Variants in FBXL20 observed in about 807,000 individuals in gnomAD.
FBXL20 encodes the protein F-box and leucine rich repeat protein 20.
In FBXL20, 11 loss-of-function variants were observed where a neutral mutation model predicts 64.0. The ratio of observed to expected loss-of-function variants is 0.17; its 90% CI spans 0.11 to 0.28. The LOEUF (loss-of-function observed/expected upper bound fraction) is 0.28, where lower values mean the gene tolerates loss of function less well. FBXL20 is among the 10% of genes least tolerant of loss of function. FBXL20 has a pLI of 1.00. For missense variants in FBXL20, 303 were observed against 526.2 expected, an observed-to-expected ratio of 0.58 and a Z score of 4.15; for synonymous variants, 184 against 189.0, an observed-to-expected ratio of 0.97 and a Z score of 0.22.
chr17:39,326,004 T>C (rs2047405655), intron 2 of FBXL20, among the ~76,000 whole-genome samples: 1 of 152,136 alleles, frequency 6.6e-6, no homozygotes, highest in Non-Finnish European at 1.5e-5. Flanking sequence ...ACTACCCCCT[T>C]AATCATAAGT....
At chr17:39,334,473 T>C (rs555594667) in intron 2 of FBXL20, among the ~76,000 whole-genome samples, 5 of 143,008 alleles carry the variant, frequency 3.5e-5, no homozygotes, top group African/African-American at 1.4e-4. Flanking sequence ...CAATAAATAC[T>C]AAAAAAATTA....
intron 2 of FBXL20, among the ~76,000 whole-genome samples, chr17:39,325,118 G>A (rs1000878188): frequency 6.6e-6 from 1 of 152,156 alleles, no homozygotes; most frequent in Non-Finnish European, 1.5e-5. Context: ...TGAGGTGAGA[G>A]GATCACCTGA....
In FBXL20 at chr17:39,299,073, C is replaced by T. The variant is rs772097525; in HGVS notation, c.246G>A (p.Val82=). 5 of 1,612,702 alleles carry T rather than the reference C, an allele frequency of 3.1e-6. No individual in the cohort carries two copies. The highest frequency in any genetic ancestry group is 4.2e-6 in the Non-Finnish European group (5 of 1,179,464). ...DFQRDIEGRV[V]ENISKRCGGF... The stretch of plus-strand genomic sequence containing the variant: ...CCCCACATCGTTTTGAAATATTCTC[C>T]ACTACTCGGCCCTGTAAAATGAGAC... The change falls in exon 5 of 15, where the codon GTG becomes GTA. Residue 82 remains valine (V), a synonymous_variant. Coordinates refer to ENST00000264658, the MANE Select transcript of FBXL20 (RefSeq NM_032875.3).
chr17:39,356,674 G>C (rs1161182228), intron 1 of FBXL20, among the ~76,000 whole-genome samples: 2 of 151,870 alleles, frequency 1.3e-5, no homozygotes, highest in Non-Finnish European at 2.9e-5. Flanking sequence ...TGTTTGTTTT[G>C]AGACAGGGTA....
At chr17:39,387,095 G>A (rs1488029435) in intron 1 of FBXL20, among the ~76,000 whole-genome samples, 1 of 152,058 alleles carries the variant, frequency 6.6e-6, no homozygotes, top group Non-Finnish European at 1.5e-5. Flanking sequence ...ATGAGTACAC[G>A]CACAACCATT....
intron 2 of FBXL20, among the ~76,000 whole-genome samples, chr17:39,327,326 C>T (rs1006677226): frequency 2.0e-5 from 3 of 152,072 alleles, no homozygotes; most frequent in African/African-American, 7.2e-5. Flanking sequence ...TAATAAGCTC[C>T]AATTAGATTT....
At chr17:39,345,433 G>C (rs570988022) in intron 1 of FBXL20, among the ~76,000 whole-genome samples, 1 of 152,290 alleles carries the variant, frequency 6.6e-6, no homozygotes, top group African/African-American at 2.4e-5. Context: ...CATACATGAA[G>C]ATCCTGGTAT....
At chr17:39,314,790 CTT>C (rs1022855806) in intron 2 of FBXL20, among the ~76,000 whole-genome samples, 4 of 134,220 alleles carry the variant, frequency 3.0e-5, no homozygotes, top group Non-Finnish European at 4.7e-5. Flanking sequence ...TCTCCATATC[CTT>C]TTCTTTTTTT....
At chr17:39,358,077 CCTAA>C (rs1296460624) in intron 1 of FBXL20, among the ~76,000 whole-genome samples, 6 of 152,230 alleles carry the variant, frequency 3.9e-5, no homozygotes, top group Non-Finnish European at 5.9e-5. Context: ...AGTCCAAAGG[CCTAA>C]CTAAGAACCA....
intron 1 of FBXL20, among the ~76,000 whole-genome samples, chr17:39,349,718 C>T (rs1027002966): frequency 2.6e-5 from 4 of 152,048 alleles, no homozygotes; most frequent in South Asian, 2.1e-4. Context: ...AGGCAGATCA[C>T]GAGGTCAGGA....
intron 1 of FBXL20, among the ~76,000 whole-genome samples, chr17:39,370,487 T>A (rs1449993871): frequency 7.4e-6 from 1 of 135,976 alleles, no homozygotes; most frequent in African/African-American, 2.7e-5. Flanking sequence ...TGAGACACCA[T>A]CTCAAAAAAA....
intron 12 of FBXL20, 37 bp from the exon 13 acceptor site, chr17:39,265,490 C>T: frequency 6.8e-7 from 1 of 1,480,182 alleles, no homozygotes; most frequent in East Asian, 2.3e-5. Context: ...TAGGTATAAT[C>T]CAAATAAAAT....
rs1373230552 is a variant in FBXL20 at position 39,383,345 on chromosome 17, G to A, written c.42+18016C>T. On this transcript the variant is annotated intron_variant, in intron 1 of 14. Coordinates refer to ENST00000264658, the MANE Select transcript of FBXL20 (RefSeq NM_032875.3). Reference sequence around the variant, plus strand: ...CATGGAGAAGAAAAACCTTGGTCGGGTATGATGGCTCATGCCTATAATCTT... The same window carrying A: ...CATGGAGAAGAAAAACCTTGGTCGGATATGATGGCTCATGCCTATAATCTT... 5.3e-5 allele frequency among the ~76,000 whole-genome samples: 8 copies of A among 152,068 alleles called. 1 individual carries two copies. Among genetic ancestry groups the A allele is most frequent in the African/African-American group, 1.9e-4 (8 of 41,432 alleles).
At chr17:39,346,431 C>T (rs754610219) in intron 1 of FBXL20, among the ~76,000 whole-genome samples, 2 of 151,930 alleles carry the variant, frequency 1.3e-5, no homozygotes, top group African/African-American at 4.8e-5. Flanking sequence ...TTTAGAAATG[C>T]GAAACACCAC....
chr17:39,387,798 G>T (rs1294727178), intron 1 of FBXL20, among the ~76,000 whole-genome samples: 5 of 151,848 alleles, frequency 3.3e-5, no homozygotes, highest in African/African-American at 1.2e-4. Flanking sequence ...AGCTGGTCTT[G>T]AACTCCTGGG....
intron 1 of FBXL20, among the ~76,000 whole-genome samples, chr17:39,349,868 G>A (rs1195956099): frequency 2.6e-5 from 4 of 151,214 alleles, no homozygotes; most frequent in African/African-American, 7.3e-5. Flanking sequence ...CCCGGGAGGC[G>A]GAGCTTGCAG....
rs1036928243 is a variant in FBXL20, at chr17:39,345,550, A to C, written c.43-2309T>G. ...TTTCATTTAAAGAATAATTTTAATAATTTTTTTTTTGAGAGAGTTTTGCTC... is the reference window on the plus strand; with the variant it reads ...TTTCATTTAAAGAATAATTTTAATACTTTTTTTTTTGAGAGAGTTTTGCTC... On this transcript the variant is annotated intron_variant, in intron 1 of 14. Coordinates refer to ENST00000264658, the MANE Select transcript of FBXL20 (RefSeq NM_032875.3). Among the ~76,000 whole-genome samples the C allele has an allele frequency of 9.3e-5, 14 of 150,410 alleles. No individual in the cohort carries two copies. In the Admixed American group the frequency reaches 9.3e-4, roughly 10 times the overall value.
intron 1 of FBXL20, among the ~76,000 whole-genome samples, chr17:39,368,506 C>G (rs914625433): frequency 6.6e-6 from 1 of 152,200 alleles, no homozygotes; most frequent in Non-Finnish European, 1.5e-5. Context: ...AGTCCTAAGT[C>G]TCTTTCCTAC....
chr17:39,274,922 G>C, intron 10 of FBXL20, 48 bp downstream of exon 10: 1 of 1,608,630 alleles, frequency 6.2e-7, no homozygotes, highest in Non-Finnish European at 8.5e-7. Flanking sequence ...TATGGGTGAA[G>C]GAAACTTTTG....
Sources: gnomAD v4.1 joint callset for allele counts (sites outside exome capture counted in the v4.1 genomes callset) on GRCh38, gnomAD v4.1.1 for gene constraint, MANE v1.5 for transcripts, NCBI Gene and HGNC (gene_info 2026-07-23, HGNC 2026-07-21) for gene names.